The following EBF1 variants were observed in gnomAD, a reference collection of about 807,000 sequenced individuals.
EBF1 encodes EBF transcription factor 1, also known as transcription factor COE1.
EBF1 carries 10 observed loss-of-function variants against 68.4 expected under a neutral mutation model. The observed-to-expected ratio is 0.15, with a 90% CI of 0.09 to 0.25. The LOEUF is 0.25. Among genes scored for constraint, EBF1 ranks in the 10% least tolerant of loss-of-function variants. The pLI is 1.00. For missense variants in EBF1, 509 were observed against 794.4 expected (o/e 0.64, Z 4.32); for synonymous variants, 298 against 299.8 (o/e 0.99, Z 0.06).
At chr5:158,969,888 G>T (rs1357543403) in intron 6 of EBF1, among the ~76,000 whole-genome samples, 4 of 95,398 alleles carry the variant, frequency 4.2e-5, no homozygotes, top group Admixed American at 3.6e-4. Context: ...AAGAAAGAAA[G>T]AAAGAAAGAA....
Position 158,796,447 on chromosome 5 carries a change from C to T in EBF1, c.807G>A (p.Pro269=), listed in dbSNP as rs781723383. The T allele has an allele frequency of 3.7e-6, 6 of 1,613,168 alleles. No homozygotes were observed. The highest frequency in any genetic ancestry group is 1.7e-5 in the Admixed American group (1 of 59,978). ...HATPCIKAIS[P]SEGWTTGGAT... ...CACCTCCCGTCGTCCATCCTTCACTCGGGCTGATGGCTTTGATACAGGGAG... is the reference window on the plus strand; with the variant it reads ...CACCTCCCGTCGTCCATCCTTCACTTGGGCTGATGGCTTTGATACAGGGAG... The change falls in exon 9 of 16, where the codon CCG becomes CCA. Residue 269 remains proline (P), a synonymous_variant. Transcript: ENST00000313708.
At chr5:158,885,716 A>G (rs1393891154) in intron 6 of EBF1, among the ~76,000 whole-genome samples, 1 of 152,164 alleles carries the variant, frequency 6.6e-6, no homozygotes, top group African/African-American at 2.4e-5. Flanking sequence ...CAAGGTCCAC[A>G]ATGTCTGGGC....
At chr5:158,792,541 T>C (rs1474451525) in intron 9 of EBF1, among the ~76,000 whole-genome samples, 1 of 152,234 alleles carries the variant, frequency 6.6e-6, no homozygotes, top group Admixed American at 6.5e-5. Flanking sequence ...CATTAGCTGC[T>C]AATCTAAAAT....
chr5:158,817,399 C>T (rs149536351), intron 8 of EBF1, among the ~76,000 whole-genome samples: 21 of 152,222 alleles, frequency 1.4e-4, no homozygotes, highest in African/African-American at 4.1e-4. Flanking sequence ...CTCTACCTTC[C>T]TGAACAAACT....
At chr5:158,911,629 ACAAAT>A (rs1805993220) in intron 6 of EBF1, among the ~76,000 whole-genome samples, 1 of 107,538 alleles carries the variant, frequency 9.3e-6, no homozygotes, top group Non-Finnish European at 2.2e-5. Context: ...TACAGTAGGA[ACAAAT>A]CATAACATAA....
chr5:158,717,302 G>C (rs147005950), intron 11 of EBF1, among the ~76,000 whole-genome samples: 1 of 152,258 alleles, frequency 6.6e-6, no homozygotes, highest in African/African-American at 2.4e-5. Context: ...GGAAATGATT[G>C]AGCCTTGGAT....
intron 6 of EBF1, among the ~76,000 whole-genome samples, chr5:159,048,136 A>C (rs564269184): frequency 2.5e-4 from 38 of 152,344 alleles, no homozygotes; most frequent in African/African-American, 8.2e-4. Context: ...CCAGACATAC[A>C]ATGAGCACTC....
At chr5:158,798,031 T>C (rs1022660170) in intron 8 of EBF1, among the ~76,000 whole-genome samples, 2 of 151,970 alleles carry the variant, frequency 1.3e-5, no homozygotes, top group Non-Finnish European at 2.9e-5. Context: ...GATTAAGTAC[T>C]CCCAAACCAG....
At chr5:158,928,389 T>G (rs914003901) in intron 6 of EBF1, among the ~76,000 whole-genome samples, 1 of 152,226 alleles carries the variant, frequency 6.6e-6, no homozygotes, top group Non-Finnish European at 1.5e-5. Context: ...CTGTTACTTA[T>G]CACATTCAGC....
Position 159,099,540 on chromosome 5 carries a change from AAGG to A in EBF1, c.-65_-63del. 7.2e-7 allele frequency: 1 copy of A among 1,387,948 alleles called. No homozygotes were observed. Among genetic ancestry groups the A allele is most frequent in the South Asian group, 1.6e-5 (1 of 61,930 alleles). The allele number at this position is 1,387,948 out of a possible 1,614,324, so 86.0% of individuals were successfully genotyped here. ...TTGAAAAAAATTAAAAAAAAAAAAA[AAGG>A]AAAGAAAAGAAAGAAAAGAAAAGAA... On this transcript the variant is annotated 5_prime_UTR_variant, in exon 1 of 16. Transcript: ENST00000313708.
intron 8 of EBF1, among the ~76,000 whole-genome samples, chr5:158,818,395 CTCTG>C (rs1784174905): frequency 6.6e-6 from 1 of 152,156 alleles, no homozygotes; most frequent in African/African-American, 2.4e-5. Flanking sequence ...CAAAAACTGC[CTCTG>C]TCTGGATCAA....
intron 6 of EBF1, among the ~76,000 whole-genome samples, chr5:158,934,728 T>C (rs1025139756): frequency 6.6e-6 from 1 of 152,204 alleles, no homozygotes; most frequent in African/African-American, 2.4e-5. Context: ...ATGTCCTTAG[T>C]AGGTTGTTAT....
intron 5 of EBF1, 140 bp from the exon 6 acceptor site, chr5:159,073,604 G>A (rs1313082553): frequency 2.1e-5 from 18 of 847,766 alleles, no homozygotes; most frequent in East Asian, 1.0e-4. Flanking sequence ...GGATCCCTGG[G>A]ACAGATAATT....
chr5:158,781,783 T>C lies in EBF1; in HGVS notation c.910-4244A>G, dbSNP rs575106034. 3.3e-5 allele frequency among the ~76,000 whole-genome samples: 5 copies of C among 152,316 alleles called. No homozygotes were observed. The South Asian group carries it at 1.0e-3, about 32-fold the overall frequency. ...TCCTGTTCAGGCTGTCACTGTTTCTTACACTATTACAACAGTAGGAAAAAT... is the reference window on the plus strand; with the variant it reads ...TCCTGTTCAGGCTGTCACTGTTTCTCACACTATTACAACAGTAGGAAAAAT... On this transcript the variant is annotated intron_variant, in intron 9 of 15. Coordinates refer to ENST00000313708, the MANE Select transcript of EBF1 (RefSeq NM_024007.5).
intron 6 of EBF1, among the ~76,000 whole-genome samples, chr5:158,927,081 G>A (rs1445999942): frequency 6.6e-6 from 1 of 152,194 alleles, no homozygotes; most frequent in African/African-American, 2.4e-5. Flanking sequence ...GTGGATCTGA[G>A]GTGAGAAGAT....
intron 6 of EBF1, among the ~76,000 whole-genome samples, chr5:158,929,137 T>C (rs1012285863): frequency 6.6e-6 from 1 of 152,196 alleles, no homozygotes; most frequent in East Asian, 1.9e-4. Context: ...ATACATGTTA[T>C]AGGTTATCAG....
chr5:158,961,947 T>G (rs1818255190), intron 6 of EBF1, among the ~76,000 whole-genome samples: 1 of 152,226 alleles, frequency 6.6e-6, no homozygotes, highest in South Asian at 2.1e-4. Flanking sequence ...ACTTTTTGTA[T>G]AAACCTGAGT....
chr5:158,911,532 C>G (rs894968676), intron 6 of EBF1, among the ~76,000 whole-genome samples: 3 of 152,144 alleles, frequency 2.0e-5, no homozygotes, highest in Non-Finnish European at 2.9e-5. Flanking sequence ...AATGAAGACC[C>G]ATTTTTCTTT....
chr5:158,731,006 A>T, intron 11 of EBF1, 63 bp downstream of exon 11: 1 of 1,479,058 alleles, frequency 6.8e-7, no homozygotes. Context: ...TATCAGCAGC[A>T]GAGTTTTCTG....
Sources: gnomAD v4.1 joint callset for allele counts (sites outside exome capture counted in the v4.1 genomes callset) on GRCh38, gnomAD v4.1.1 for gene constraint, MANE v1.5 for transcripts, NCBI Gene and HGNC (gene_info 2026-07-23, HGNC 2026-07-21) for gene names.